ELAVL1: variants seen among roughly 807,000 people sequenced by gnomAD.
ELAVL1 encodes ELAV like RNA binding protein 1.
ELAVL1 carries 1 observed loss-of-function variant against 28.4 expected under a neutral mutation model. That is an observed-to-expected ratio of 0.04 (90% CI 0.01 to 0.17). The LOEUF is 0.17. ELAVL1 is among the 10% of genes least tolerant of loss of function. The pLI, the probability that ELAVL1 is intolerant of heterozygous loss-of-function variation, is 1.00. For synonymous variants in ELAVL1, 174 were observed against 183.5 expected (o/e 0.95, Z 0.42); for missense variants, 157 against 447.2 (o/e 0.35, Z 5.85).
intron 2 of ELAVL1, among the ~76,000 whole-genome samples, chr19:7,989,065 G>A (rs992613388): frequency 6.6e-6 from 1 of 152,198 alleles, no homozygotes; most frequent in South Asian, 2.1e-4. Flanking sequence ...CCCGTGTTGT[G>A]AGCTGAGCTA....
At chr19:7,983,088 C>T (rs560759804) in intron 2 of ELAVL1, among the ~76,000 whole-genome samples, 11 of 152,332 alleles carry the variant, frequency 7.2e-5, no homozygotes, top group African/African-American at 2.2e-4. Flanking sequence ...ATGGCCCTGA[C>T]GTAGCAGCTA....
chr19:7,966,432 C>T (rs1223088677), intron 5 of ELAVL1, among the ~76,000 whole-genome samples: 2 of 152,170 alleles, frequency 1.3e-5, no homozygotes, highest in African/African-American at 4.8e-5. Flanking sequence ...CTCCTCCCCT[C>T]TAGGACAGGG....
chr19:7,971,227 T>G (rs566898949), intron 4 of ELAVL1, among the ~76,000 whole-genome samples: 1 of 152,308 alleles, frequency 6.6e-6, no homozygotes, highest in African/African-American at 2.4e-5. Flanking sequence ...CCCCTGCCTG[T>G]GGCCCGTGTG....
intron 1 of ELAVL1, among the ~76,000 whole-genome samples, chr19:7,997,127 G>A (rs2081052328): frequency 6.6e-6 from 1 of 152,220 alleles, no homozygotes; most frequent in South Asian, 2.1e-4. Context: ...AGCCACTTTG[G>A]AAAACAGATT....
In ELAVL1 at chr19:7,994,767, C is replaced by T. The variant is rs141829441; in HGVS notation, c.-16-2936G>A. On this transcript the variant is annotated intron_variant, in intron 1 of 5. Transcript: ENST00000407627. ...AGGAGTTCAAGACCAGTCTGGACAA[C>T]AACGTGAGACCCTGACTCTCAACAA... Among the ~76,000 whole-genome samples, 642 of 152,292 alleles carry T rather than the reference C, an allele frequency of 4.2e-3. 7 individuals are homozygous for T. Among genetic ancestry groups the T allele is most frequent in the Non-Finnish European group, 7.6e-3 (517 of 68,028 alleles).
intron 1 of ELAVL1, among the ~76,000 whole-genome samples, chr19:7,994,158 A>T (rs1189164811): frequency 6.6e-6 from 1 of 152,284 alleles, no homozygotes; most frequent in East Asian, 1.9e-4. Context: ...GACGAAGAGG[A>T]GTAGCCTAGA....
At chr19:7,974,630 A>G (rs1316021827) in intron 3 of ELAVL1, among the ~76,000 whole-genome samples, 1 of 152,110 alleles carries the variant, frequency 6.6e-6, no homozygotes, top group Non-Finnish European at 1.5e-5. Context: ...TCTGCCTGTG[A>G]AGGGGCAGCC....
At chr19:8,002,832 C>T (rs2145232545) in intron 1 of ELAVL1, among the ~76,000 whole-genome samples, 1 of 151,878 alleles carries the variant, frequency 6.6e-6, no homozygotes, top group East Asian at 1.9e-4. Context: ...CGTGCAGGGG[C>T]GGGGAGGGTT....
chr19:7,986,164 C>A (rs976751250), intron 2 of ELAVL1, among the ~76,000 whole-genome samples: 4 of 152,208 alleles, frequency 2.6e-5, no homozygotes, highest in African/African-American at 9.6e-5. Context: ...CAGCTGGAAG[C>A]GCCCTGACCT....
chr19:7,977,666 A>T (rs2145210037), intron 3 of ELAVL1, among the ~76,000 whole-genome samples: 1 of 152,356 alleles, frequency 6.6e-6, no homozygotes, highest in Non-Finnish European at 1.5e-5. Context: ...ATGAGGAGAC[A>T]GGACTCCTCC....
intron 2 of ELAVL1, among the ~76,000 whole-genome samples, chr19:7,988,752 T>C (rs1985671494): frequency 6.6e-6 from 1 of 152,170 alleles, no homozygotes; most frequent in South Asian, 2.1e-4. Context: ...CAGTGTCCAG[T>C]GCGGCGTCCA....
At chr19:8,002,138 G>T in intron 1 of ELAVL1, 1 of 1,289,200 alleles carries the variant, frequency 7.8e-7, no homozygotes, top group Non-Finnish European at 1.0e-6. Context: ...TGTCCCTAAA[G>T]AACCCACGTG....
chr19:7,978,976 G>T (rs931663809), intron 3 of ELAVL1, among the ~76,000 whole-genome samples: 7 of 152,340 alleles, frequency 4.6e-5, no homozygotes, highest in African/African-American at 1.7e-4. Context: ...ACTGGGGATG[G>T]CAGGGGATCC....
rs552496155 is a variant in ELAVL1, at chr19:8,003,026, G to A, written c.-17+2469C>T. ...TGTGGAAAGAGGGAAGAGATGGGAA[G>A]CGGAGAGTGAGAGAGGCAAGAAATT... is the stretch of plus-strand genomic sequence containing the variant. On this transcript the variant is annotated intron_variant, in intron 1 of 5. Transcript: ENST00000407627. 1.4e-3 allele frequency among the ~76,000 whole-genome samples: 210 copies of A among 152,298 alleles called. 1 individual carries two copies. Among genetic ancestry groups the A allele is most frequent in the Non-Finnish European group, 2.4e-3 (161 of 68,022 alleles).
At chr19:7,976,452 C>T (rs530861023) in intron 3 of ELAVL1, among the ~76,000 whole-genome samples, 13 of 152,010 alleles carry the variant, frequency 8.6e-5, no homozygotes, top group Admixed American at 2.6e-4. Flanking sequence ...TTTAGAAAGG[C>T]GGGAAATGTG....
At chr19:7,993,576 A>G (rs566060002) in intron 1 of ELAVL1, among the ~76,000 whole-genome samples, 13 of 152,326 alleles carry the variant, frequency 8.5e-5, no homozygotes, top group African/African-American at 3.1e-4. Context: ...GACTTTGGAG[A>G]AGAGTCCAGA....
chr19:7,990,686 G>A (rs1340433286), intron 2 of ELAVL1, among the ~76,000 whole-genome samples: 1 of 152,122 alleles, frequency 6.6e-6, no homozygotes, highest in Non-Finnish European at 1.5e-5. Flanking sequence ...TTTCAGTATA[G>A]GGAATCACAG....
intron 1 of ELAVL1, among the ~76,000 whole-genome samples, chr19:7,993,901 C>T (rs563529513): frequency 4.2e-4 from 64 of 152,214 alleles, no homozygotes; most frequent in Admixed American, 4.2e-3. Flanking sequence ...GAATCAACGC[C>T]GAGGGAAGAA....
In ELAVL1 at chr19:7,967,452, C is replaced by T. The variant is rs555253806; in HGVS notation, c.656+113G>A. 48 of 1,188,056 alleles carry T rather than the reference C, an allele frequency of 4.0e-5. No homozygotes were observed. The East Asian group carries it at 1.0e-3, about 25-fold the overall frequency. 73.6% of individuals were successfully genotyped at this position (1,188,056 alleles called of 1,614,324 possible). ...GGAGCTGCAGAATGATTCTGAAACG[C>T]GCTCTCTGACGGGATCAGTCTATCA... On this transcript the variant is annotated intron_variant, in intron 5 of 5. Coordinates refer to ENST00000407627, the MANE Select transcript of ELAVL1 (RefSeq NM_001419.3).
Sources: gnomAD v4.1 joint callset for allele counts (sites outside exome capture counted in the v4.1 genomes callset) on GRCh38, gnomAD v4.1.1 for gene constraint, MANE v1.5 for transcripts, NCBI Gene and HGNC (gene_info 2026-07-23, HGNC 2026-07-21) for gene names.